Variants in NFIC observed in about 807,000 individuals in gnomAD.
NFIC encodes nuclear factor I C.
In NFIC, 12 loss-of-function variants were observed where a neutral mutation model predicts 54.4. The ratio of observed to expected loss-of-function variants is 0.22; its 90% CI spans 0.14 to 0.36. NFIC has a LOEUF of 0.36. Among genes scored for constraint, NFIC ranks in the 10% least tolerant of loss-of-function variants. The pLI, the probability that NFIC is intolerant of heterozygous loss-of-function variation, is 1.00. For missense variants in NFIC, 575 were observed against 718.2 expected (o/e 0.80, Z 2.28); for synonymous variants, 322 against 319.2 (o/e 1.01, Z -0.09).
At chr19:3,359,654 C>T (rs2080784629) in exon 1 of NFIC, 9 of 1,389,734 alleles carry the variant, frequency 6.5e-6, no homozygotes, top group Non-Finnish European at 8.5e-6. Flanking sequence ...CTCGCTCCGG[C>T]GCCGGCCTCG....
upstream of NFIC, among the ~76,000 whole-genome samples, chr19:3,363,265 A>ATTT (rs1163144146): frequency 1.8e-4 from 9 of 48,716 alleles, no homozygotes; most frequent in African/African-American, 7.3e-4. Flanking sequence ...ATATATATAT[A>ATTT]TATATTTTTT....
intron 2 of NFIC, among the ~76,000 whole-genome samples, chr19:3,409,656 G>A (rs1253547387): frequency 1.3e-5 from 2 of 152,196 alleles, no homozygotes; most frequent in Non-Finnish European, 2.9e-5. Context: ...GCTCCCGGGC[G>A]GGAAGGGTGG....
chr19:3,461,284 G>T (rs550679619), intron 10 of NFIC, among the ~76,000 whole-genome samples: 56 of 151,622 alleles, frequency 3.7e-4, no homozygotes, highest in Non-Finnish European at 6.9e-4. Flanking sequence ...CTAGTCAGAT[G>T]TGGTGGAACA....
In NFIC at chr19:3,434,292, G is replaced by T; in HGVS notation, c.725G>T (p.Gly242Val). Residue 242 changes from glycine to valine, a missense_variant, in exon 5 of 11, where the codon GGA becomes GTA. Transcript: ENST00000443272. ...CCCTCTGCAGCACCCGTGGTGACTGGAACAGGACCCAACTTCTCCCTGGGG... is the reference window on the plus strand; with the variant it reads ...CCCTCTGCAGCACCCGTGGTGACTGTAACAGGACCCAACTTCTCCCTGGGG... ...IQVSRTPVVT[G>V]TGPNFSLGEL... 1 of 1,611,908 alleles carries T rather than the reference G, an allele frequency of 6.2e-7. No homozygotes were observed.
intron 9 of NFIC, among the ~76,000 whole-genome samples, chr19:3,456,182 C>T (rs959378279): frequency 2.6e-5 from 4 of 152,376 alleles, no homozygotes; most frequent in South Asian, 2.1e-4. Flanking sequence ...AATTCATGCA[C>T]CCCGCGCGGA....
At chr19:3,434,467 C>T (rs995304857) in intron 5 of NFIC, 67 bp downstream of exon 5, 13 of 1,500,040 alleles carry the variant, frequency 8.7e-6, no homozygotes, top group Non-Finnish European at 1.1e-5. Context: ...CCCTCTGGCC[C>T]GAGCTGACTC....
chr19:3,449,089 G>A lies in NFIC; in HGVS notation c.1034G>A (p.Arg345His), dbSNP rs200686979. Residue 345 changes from arginine (R) to histidine (H), a missense_variant, in exon 7 of 11, where the codon CGC (arginine) becomes CAC (histidine). Arg to His is a conservative substitution (Grantham distance 29, BLOSUM62 0). Around this residue, in one of 3 missense-constraint regions of NFIC, gnomAD observed 447 missense variants for 526.9 expected, o/e 0.85. Transcript: ENST00000443272. Reference sequence around the variant, plus strand: ...AGCCCGTCCCCCCAGGACTCTCCCCGCCTCTCCAGCTTCACCCAGCACCAC... The same window carrying A: ...AGCCCGTCCCCCCAGGACTCTCCCCACCTCTCCAGCTTCACCCAGCACCAC... ...FNSPSPQDSP[R>H]LSSFTQHHRP... 8.4e-5 allele frequency: 136 copies of A among 1,613,604 alleles called. No individual in the cohort carries two copies. The highest frequency in any genetic ancestry group is 9.9e-5 in the Non-Finnish European group (117 of 1,179,838).
chr19:3,400,828 C>T (rs1006190103), intron 2 of NFIC, among the ~76,000 whole-genome samples: 3 of 151,952 alleles, frequency 2.0e-5, no homozygotes, highest in Admixed American at 6.6e-5. Context: ...GGCCACAGAG[C>T]GAGACTCCGT....
intron 2 of NFIC, among the ~76,000 whole-genome samples, chr19:3,395,479 A>C: frequency 6.9e-6 from 1 of 144,588 alleles, no homozygotes; most frequent in Non-Finnish European, 1.5e-5. Flanking sequence ...ACAGGCGCAT[A>C]CCACCATGGT....
intron 1 of NFIC, among the ~76,000 whole-genome samples, chr19:3,379,301 G>T (rs1413353072): frequency 6.6e-6 from 1 of 151,630 alleles, no homozygotes; most frequent in Non-Finnish European, 1.5e-5. Context: ...TTCTTGATCT[G>T]CCCGCCTCGG....
intron 1 of NFIC, among the ~76,000 whole-genome samples, chr19:3,381,097 T>C (rs2081198526): frequency 6.6e-6 from 1 of 152,052 alleles, no homozygotes; most frequent in Non-Finnish European, 1.5e-5. Context: ...GGGTTCAACA[T>C]AGGTCCTCCA....
chr19:3,426,395 T>C (rs1336598986), intron 3 of NFIC, among the ~76,000 whole-genome samples: 3 of 152,070 alleles, frequency 2.0e-5, no homozygotes, highest in Non-Finnish European at 4.4e-5. Flanking sequence ...GGGCGTCTAA[T>C]AGATGGGTAG....
chr19:3,372,814 G>A (rs2081045653), intron 1 of NFIC, among the ~76,000 whole-genome samples: 1 of 151,954 alleles, frequency 6.6e-6, no homozygotes, highest in African/African-American at 2.4e-5. Flanking sequence ...CCTCGAGGTA[G>A]TGGGTGCAAT....
chr19:3,435,600 T>C (rs768516619), intron 6 of NFIC, among the ~76,000 whole-genome samples: 25 of 152,184 alleles, frequency 1.6e-4, no homozygotes, highest in South Asian at 2.1e-4. Flanking sequence ...CCTCTTCCCC[T>C]CTAGAAGGTC....
At chr19:3,420,226 T>C (rs2081931434) in intron 2 of NFIC, among the ~76,000 whole-genome samples, 1 of 151,688 alleles carries the variant, frequency 6.6e-6, no homozygotes, top group South Asian at 2.1e-4. Context: ...GAAGCTCAGA[T>C]AGGAGGATGG....
chr19:3,455,390 G>A (rs1439543492), intron 9 of NFIC, among the ~76,000 whole-genome samples: 6 of 151,316 alleles, frequency 4.0e-5, no homozygotes, highest in Admixed American at 1.3e-4. Context: ...AGGGCTCGGT[G>A]GGATTATGCC....
intron 2 of NFIC, among the ~76,000 whole-genome samples, chr19:3,404,770 G>A (rs978340573): frequency 6.6e-6 from 1 of 152,232 alleles, no homozygotes; most frequent in Non-Finnish European, 1.5e-5. Flanking sequence ...CTCCCAGAGC[G>A]TCCCCAGCAC....
At chr19:3,386,645 A>G (rs2081301714) in intron 2 of NFIC, among the ~76,000 whole-genome samples, 1 of 151,884 alleles carries the variant, frequency 6.6e-6, no homozygotes, top group African/African-American at 2.4e-5. Context: ...TTTACAGAGG[A>G]GGAAACAGAG....
chr19:3,391,140 C>G (rs923328141), intron 2 of NFIC, among the ~76,000 whole-genome samples: 3 of 151,990 alleles, frequency 2.0e-5, no homozygotes, highest in Non-Finnish European at 4.4e-5. Flanking sequence ...TTCCCATCTA[C>G]TCAGGAGGCT....
Sources: allele counts gnomAD v4.1 joint callset (sites outside exome capture counted in the v4.1 genomes callset), GRCh38; gene constraint gnomAD v4.1.1; regional missense constraint gnomAD v4.1.1; transcripts MANE v1.5; gene names NCBI Gene and HGNC (gene_info 2026-07-23, HGNC 2026-07-21).